The following CCDC33 variants were observed in gnomAD, a reference collection of about 807,000 sequenced individuals.
The protein encoded by CCDC33 is coiled-coil domain-containing protein 33.
Under a neutral mutation model 91.9 loss-of-function variants are expected in CCDC33, and 94 were observed. The ratio of observed to expected loss-of-function variants is 1.02; its 90% CI spans 0.87 to 1.21. CCDC33 has a LOEUF of 1.21. Among genes scored for constraint, CCDC33 ranks in the 50% most tolerant of loss-of-function variants. The pLI is 0.00. For missense variants in CCDC33, 940 were observed against 935.5 expected, an observed-to-expected ratio of 1.00 and a Z score of -0.06; for synonymous variants, 396 against 374.5, an observed-to-expected ratio of 1.06 and a Z score of -0.66.
At position 74,266,763 on chromosome 15, in the gene CCDC33, C is replaced by T. The variant is rs377545100; in HGVS notation, c.405C>T (p.His135=). The change falls in exon 4 of 19, where the codon CAC becomes CAT. Residue 135 remains histidine, a synonymous_variant. Coordinates refer to ENST00000398814, the MANE Select transcript of CCDC33 (RefSeq NM_025055.5). ...CCATCAAGTACCTGCGTGTCTTCCA[C>T]CCCTACCACTTTGAGCTGGTGAAGG... is the stretch of plus-strand genomic sequence containing the variant. ...KIPIKYLRVF[H]PYHFELVKPT... 6.2e-7 allele frequency: 1 copy of T among 1,613,984 alleles called. No individual in the cohort carries two copies.
chr15:74,299,211 C>T (rs147860960), intron 11 of CCDC33, among the ~76,000 whole-genome samples: 70 of 152,340 alleles, frequency 4.6e-4, no homozygotes, highest in African/African-American at 1.5e-3. Context: ...ACCCTCAGCA[C>T]TCCCATCAGT....
chr15:74,272,281 G>T (rs912948380), intron 6 of CCDC33, among the ~76,000 whole-genome samples: 3 of 151,794 alleles, frequency 2.0e-5, no homozygotes, highest in African/African-American at 7.3e-5. Context: ...TAGCCCTGCC[G>T]GGCGGAGTCT....
chr15:74,203,126 G>C, intron 1 of CCDC33: 1 of 985,570 alleles, frequency 1.0e-6, no homozygotes, highest in Non-Finnish European at 1.2e-6. Flanking sequence ...GGCTGGGCTG[G>C]GGCGGAGGCA....
At chr15:74,257,477 G>A (rs2075902746) in intron 2 of CCDC33, among the ~76,000 whole-genome samples, 1 of 152,212 alleles carries the variant, frequency 6.6e-6, no homozygotes, top group Non-Finnish European at 1.5e-5. Flanking sequence ...AATCCCAGGG[G>A]AGCTTGGCTA....
chr15:74,283,383 T>C (rs1346663656), intron 10 of CCDC33, among the ~76,000 whole-genome samples: 1 of 152,094 alleles, frequency 6.6e-6, no homozygotes, highest in Non-Finnish European at 1.5e-5. Context: ...AAAAGGAGCG[T>C]CAGGTGCCCC....
chr15:74,227,559 T>C (rs1167305986), intron 2 of CCDC33, among the ~76,000 whole-genome samples: 3 of 152,082 alleles, frequency 2.0e-5, no homozygotes, highest in Non-Finnish European at 4.4e-5. Flanking sequence ...GGGGATGGAG[T>C]TGGGGCTGTC....
intron 11 of CCDC33, among the ~76,000 whole-genome samples, chr15:74,305,034 C>T (rs1408399934): frequency 6.6e-6 from 1 of 152,102 alleles, no homozygotes; most frequent in African/African-American, 2.4e-5. Flanking sequence ...GCAACCTCCG[C>T]CTCCCAGGTT....
chr15:74,316,019 C>T lies in CCDC33; in HGVS notation c.1291-14170C>T, dbSNP rs541383260. 9.2e-5 allele frequency among the ~76,000 whole-genome samples: 14 copies of T among 152,216 alleles called. No homozygotes were observed. In the South Asian group the frequency reaches 2.3e-3, roughly 25 times the overall value. On this transcript the variant is annotated intron_variant, in intron 11 of 18. Coordinates refer to ENST00000398814, the MANE Select transcript of CCDC33 (RefSeq NM_025055.5). This position sits in a 1 kb window ranked among gnomAD's most constrained non-coding sequence, Gnocchi z 4.7. The stretch of plus-strand genomic sequence containing the variant: ...TGGGACCCCCTGAAGGAGGACATCC[C>T]TTAGCTCCACAAAGAGCCCTGCCCT...
intron 11 of CCDC33, among the ~76,000 whole-genome samples, chr15:74,321,863 G>A (rs1301197110): frequency 6.6e-6 from 1 of 152,210 alleles, no homozygotes; most frequent in African/African-American, 2.4e-5. Flanking sequence ...GAGGCAGGGA[G>A]GCCCTTCCCT....
At chr15:74,254,277 C>T (rs188881326) in intron 2 of CCDC33, among the ~76,000 whole-genome samples, 50 of 152,248 alleles carry the variant, frequency 3.3e-4, no homozygotes, top group African/African-American at 1.2e-3. Context: ...ATGATCTGCC[C>T]GCCTCAGCCT....
chr15:74,280,829 C>G, intron 9 of CCDC33, 28 bp downstream of exon 9: 1 of 1,440,002 alleles, frequency 6.9e-7, no homozygotes, highest in Non-Finnish European at 9.2e-7. Flanking sequence ...AACTGGGCCC[C>G]TAGCGTGCCC....
intron 11 of CCDC33, chr15:74,311,616 T>G (rs2059995264): frequency 6.6e-6 from 1 of 152,030 alleles, no homozygotes; most frequent in Admixed American, 6.6e-5. Flanking sequence ...ACTTCACAGA[T>G]TCAAGCTGGT....
intron 11 of CCDC33, among the ~76,000 whole-genome samples, chr15:74,297,234 G>A (rs1256961439): frequency 6.6e-6 from 1 of 152,206 alleles, no homozygotes; most frequent in East Asian, 1.9e-4. Flanking sequence ...TGGCCCTTGG[G>A]GAAAGAGCCC....
chr15:74,321,490 G>C (rs1046216876), intron 11 of CCDC33, among the ~76,000 whole-genome samples: 1 of 151,924 alleles, frequency 6.6e-6, no homozygotes, highest in Non-Finnish European at 1.5e-5. Flanking sequence ...GTCTCAAACT[G>C]CTGACCTCAG....
rs1039695833 is a variant in CCDC33 at position 74,303,121 on chromosome 15, T to A, written c.1290+7173T>A. On this transcript the variant is annotated intron_variant, in intron 11 of 18. Transcript: ENST00000398814. Reference sequence around the variant, plus strand: ...TGATTAACTCTGAGCAGGAGTCTTTTGAGGCTGCCAGCAGCAGTCACCAGG... The same window carrying A: ...TGATTAACTCTGAGCAGGAGTCTTTAGAGGCTGCCAGCAGCAGTCACCAGG... 3 of 152,356 alleles carry A rather than the reference T, an allele frequency of 2.0e-5. No individual in the cohort carries two copies. The South Asian group carries it at 6.2e-4, about 32-fold the overall frequency. The allele number at this position is 152,356 out of a possible 1,614,324, so 9.4% of individuals were successfully genotyped here. A position where few individuals can be genotyped will look rare whatever the true frequency, so the allele number is the denominator to read the frequency against.
At chr15:74,305,982 T>C (rs536945547) in intron 11 of CCDC33, among the ~76,000 whole-genome samples, 44 of 152,248 alleles carry the variant, frequency 2.9e-4, no homozygotes, top group Non-Finnish European at 5.6e-4. Flanking sequence ...TGGATGGCAA[T>C]GCACTGGAAA....
At chr15:74,222,018 G>A (rs2074612179) in intron 2 of CCDC33, among the ~76,000 whole-genome samples, 1 of 152,216 alleles carries the variant, frequency 6.6e-6, no homozygotes, top group South Asian at 2.1e-4. Context: ...GGTGAGGAAA[G>A]CAGCAAGGTG....
At chr15:74,315,047 GACAGC>G in intron 11 of CCDC33, among the ~76,000 whole-genome samples, 1 of 152,218 alleles carries the variant, frequency 6.6e-6, no homozygotes. Context: ...GGGCATTCAT[GACAGC>G]CTCAGAATGT....
At chr15:74,265,849 C>T (rs993593342) in intron 3 of CCDC33, among the ~76,000 whole-genome samples, 3 of 152,202 alleles carry the variant, frequency 2.0e-5, no homozygotes, top group African/African-American at 7.2e-5. Context: ...CATGGCAAAA[C>T]CTTGTCTCTA....
Sources: gnomAD v4.1 joint callset for allele counts (sites outside exome capture counted in the v4.1 genomes callset) on GRCh38, gnomAD v4.1.1 for gene constraint, Gnocchi (gnomAD v3.1) non-coding constraint, MANE v1.5 for transcripts, NCBI Gene and HGNC (gene_info 2026-07-23, HGNC 2026-07-21) for gene names.